The following PRRC2B variants were observed in gnomAD, a reference collection of about 807,000 sequenced individuals.
PRRC2B encodes protein PRRC2B.
In PRRC2B, 68 loss-of-function variants were observed where a neutral mutation model predicts 242.3. That is an observed-to-expected ratio of 0.28 (90% CI 0.23 to 0.34). The LOEUF (loss-of-function observed/expected upper bound fraction) is 0.34, where lower values mean the gene tolerates loss of function less well. Ranked by LOEUF, PRRC2B falls within the 10% of genes least tolerant of loss-of-function variation. PRRC2B has a pLI of 1.00. For missense variants in PRRC2B, 2,835 were observed against 2,954.8 expected, an observed-to-expected ratio of 0.96 and a Z score of 0.94; for synonymous variants, 1,228 against 1,173.6, an observed-to-expected ratio of 1.05 and a Z score of -0.95.
At chr9:131,444,030 C>T (rs527997694) in intron 5 of PRRC2B, among the ~76,000 whole-genome samples, 155 bp from the exon 6 acceptor site, 1 of 152,224 alleles carries the variant, frequency 6.6e-6, no homozygotes, top group Non-Finnish European at 1.5e-5. Flanking sequence ...ACCCTCAGCA[C>T]CCTCGTGGCA....
chr9:131,390,856 G>A (rs11243389), upstream of PRRC2B, among the ~76,000 whole-genome samples: 30,001 of 142,324 alleles, frequency 0.21, 3,408 homozygotes, highest in Non-Finnish European at 0.27. Flanking sequence ...GTGCAATCTC[G>A]GCTCACTGCA....
intron 9 of PRRC2B, among the ~76,000 whole-genome samples, chr9:131,450,916 C>G (rs932802976): frequency 6.6e-6 from 1 of 152,088 alleles, no homozygotes; most frequent in African/African-American, 2.4e-5. Context: ...GGTCCAGGAA[C>G]CTGGTGTATC....
intron 1 of PRRC2B, among the ~76,000 whole-genome samples, chr9:131,394,471 G>A (rs940672848): frequency 3.4e-5 from 5 of 146,910 alleles, no homozygotes; most frequent in African/African-American, 1.2e-4. Flanking sequence ...CGCGGGGCCT[G>A]GGGGCGGCGG....
At chr9:131,484,607 A>G (rs1331995327) in intron 23 of PRRC2B, 79 bp from the exon 24 acceptor site, 8 of 1,150,758 alleles carry the variant, frequency 7.0e-6, no homozygotes, top group African/African-American at 1.5e-5. Flanking sequence ...GAGTGTGTTC[A>G]GGAGAGCCAT....
At chr9:131,470,453 C>T (rs1943510374) in intron 13 of PRRC2B, among the ~76,000 whole-genome samples, 1 of 152,046 alleles carries the variant, frequency 6.6e-6, no homozygotes, top group Non-Finnish European at 1.5e-5. Context: ...GAGAAGTGGC[C>T]AATGTCCAGA....
intron 1 of PRRC2B, among the ~76,000 whole-genome samples, chr9:131,402,964 C>T (rs1411315011): frequency 2.0e-5 from 3 of 152,226 alleles, no homozygotes; most frequent in African/African-American, 4.8e-5. Context: ...CTTCCCGACA[C>T]GCTTCAGGAT....
In PRRC2B at chr9:131,478,665, G is replaced by T. The variant is rs765103830; in HGVS notation, c.4758+46G>T. Reference sequence around the variant, plus strand: ...GGGCATGGGGCTGGAGGGCAGGCTGGCAGATGCCCAGGAAACCCAGAGCCA... The same window carrying T: ...GGGCATGGGGCTGGAGGGCAGGCTGTCAGATGCCCAGGAAACCCAGAGCCA... On this transcript the variant is annotated intron_variant, in intron 18 of 31. Coordinates refer to ENST00000683519, the MANE Select transcript of PRRC2B (RefSeq NM_013318.4). 8.5e-6 allele frequency: 12 copies of T among 1,405,434 alleles called. No homozygotes were observed. In the Admixed American group the frequency reaches 9.8e-5, roughly 11 times the overall value. The allele number at this position is 1,405,434 out of a possible 1,614,324, so 87.1% of individuals were successfully genotyped here.
chr9:131,430,529 A>ATCTATCTATAGATATCTATAGATAGATC (rs1564281532), intron 2 of PRRC2B, among the ~76,000 whole-genome samples: 1 of 147,070 alleles, frequency 6.8e-6, no homozygotes, highest in Admixed American at 6.9e-5. Context: ...ATAGATAGAT[A>ATCTATCTATAGATATCTATAGATAGATC]TCTATCTATA....
At chr9:131,449,452 T>G (rs757552120) in intron 9 of PRRC2B, among the ~76,000 whole-genome samples, 4 of 152,170 alleles carry the variant, frequency 2.6e-5, no homozygotes, top group Non-Finnish European at 5.9e-5. Context: ...CTTGAACATG[T>G]TTGTGTTTTT....
At chr9:131,412,084 G>T (rs939205950) in intron 1 of PRRC2B, among the ~76,000 whole-genome samples, 3 of 152,124 alleles carry the variant, frequency 2.0e-5, no homozygotes, top group South Asian at 2.1e-4. Context: ...GGGGATTACA[G>T]GTGTGAGCCA....
intron 11 of PRRC2B, 136 bp downstream of exon 11, chr9:131,459,492 C>T: frequency 6.2e-6 from 5 of 808,108 alleles, no homozygotes; most frequent in Non-Finnish European, 9.5e-6. Context: ...TTCATAGAGA[C>T]AGGGTCTCAC....
chr9:131,389,452 T>C (rs1458272382), upstream of PRRC2B, among the ~76,000 whole-genome samples: 1 of 150,690 alleles, frequency 6.6e-6, no homozygotes, highest in Non-Finnish European at 1.5e-5. Context: ...CCACTGTGCC[T>C]GGCTGGGCAA....
At chr9:131,419,397 A>T (rs2131306878) in intron 1 of PRRC2B, among the ~76,000 whole-genome samples, 1 of 152,276 alleles carries the variant, frequency 6.6e-6, no homozygotes, top group South Asian at 2.1e-4. Context: ...TGACACACCA[A>T]CGTGGGGACG....
chr9:131,396,539 T>C (rs1837063510), intron 1 of PRRC2B, among the ~76,000 whole-genome samples: 1 of 152,118 alleles, frequency 6.6e-6, no homozygotes. Flanking sequence ...TTGGCCAGGC[T>C]AGTCTCAGAC....
In PRRC2B at chr9:131,476,321, G is replaced by C. The variant is rs1331385513; in HGVS notation, c.4192G>C (p.Asp1398His). Residue 1398 changes from aspartate (D) to histidine (H), a missense_variant, in exon 16 of 32, where the codon GAC (aspartate) becomes CAC (histidine). Asp to His is a moderately conservative substitution (Grantham distance 81, BLOSUM62 -1). Around this residue, in one of 7 missense-constraint regions of PRRC2B, gnomAD observed 1,536 missense variants for 1,483.1 expected, o/e 1.04. Coordinates refer to ENST00000683519, the MANE Select transcript of PRRC2B (RefSeq NM_013318.4). ...GCGGGAAGGCCCTGGGTCCGAGCCC[G>C]ACTCCCAGGTGGATGGTGGCCTGTC... is the stretch of plus-strand genomic sequence containing the variant. ...ERREGPGSEP[D>H]SQVDGGLSGA... The C allele has an allele frequency of 6.3e-7, 1 of 1,580,576 alleles. No individual in the cohort carries two copies. Among genetic ancestry groups the C allele is most frequent in the Admixed American group, 1.8e-5 (1 of 54,154 alleles).
intron 9 of PRRC2B, among the ~76,000 whole-genome samples, chr9:131,451,666 CAT>C (rs1942924504): frequency 6.6e-6 from 1 of 151,374 alleles, no homozygotes. Flanking sequence ...GAAAATGTTT[CAT>C]GTGTCAGCAT....
intron 5 of PRRC2B, among the ~76,000 whole-genome samples, chr9:131,439,852 G>T (rs1466795401): frequency 6.6e-6 from 1 of 151,858 alleles, no homozygotes; most frequent in Admixed American, 6.6e-5. Context: ...TCCCACCTCA[G>T]CTTCCTGAGT....
intron 1 of PRRC2B, among the ~76,000 whole-genome samples, chr9:131,420,726 G>A (rs1413328434): frequency 6.6e-6 from 1 of 151,600 alleles, no homozygotes; most frequent in Non-Finnish European, 1.5e-5. Context: ...CTGACCTCAG[G>A]TGCACCTCAG....
chr9:131,434,398 C>T (rs925700197), intron 3 of PRRC2B, among the ~76,000 whole-genome samples: 5 of 152,254 alleles, frequency 3.3e-5, no homozygotes, highest in Admixed American at 2.0e-4. Flanking sequence ...GGAGCACGTC[C>T]GCCAGGGAAG....
Sources: gnomAD v4.1 joint callset for allele counts (sites outside exome capture counted in the v4.1 genomes callset) on GRCh38, gnomAD v4.1.1 for gene constraint, gnomAD v4.1.1 regional missense constraint, MANE v1.5 for transcripts, NCBI Gene and HGNC (gene_info 2026-07-23, HGNC 2026-07-21) for gene names.